The following CNTN1 variants were observed in gnomAD, a reference collection of about 807,000 sequenced individuals.
CNTN1 encodes contactin-1.
In CNTN1, 38 loss-of-function variants were observed where a neutral mutation model predicts 126.4. The ratio of observed to expected loss-of-function variants is 0.30; its 90% CI spans 0.23 to 0.39. The LOEUF (loss-of-function observed/expected upper bound fraction) is 0.39. Ranked by LOEUF, CNTN1 falls within the 10% of genes least tolerant of loss-of-function variation. The pLI is 1.00. For missense variants in CNTN1, 1,009 were observed against 1,248.4 expected (o/e 0.81, Z 2.89); for synonymous variants, 413 against 422.6 (o/e 0.98, Z 0.28).
chr12:40,815,714 C>T (rs180886230), intron 1 of CNTN1, among the ~76,000 whole-genome samples: 2 of 152,154 alleles, frequency 1.3e-5, no homozygotes, highest in African/African-American at 4.8e-5. Context: ...GAAAGGGCAT[C>T]CTTGTCTTGT....
chr12:40,807,237 T>C (rs910375418), intron 1 of CNTN1, among the ~76,000 whole-genome samples: 1 of 152,050 alleles, frequency 6.6e-6, no homozygotes, highest in Non-Finnish European at 1.5e-5. Flanking sequence ...ACTTCTGACA[T>C]ATACTTGCAA....
At chr12:40,949,418 A>ACC (rs538536696) in intron 14 of CNTN1, among the ~76,000 whole-genome samples, 12,434 of 82,980 alleles carry the variant, frequency 0.15, 725 homozygotes, top group Non-Finnish European at 0.16. Flanking sequence ...TGCTATCCCT[A>ACC]CCCCCCCTCC....
chr12:40,813,029 T>TTTCCTTTCTTA (rs1491453705), intron 1 of CNTN1, among the ~76,000 whole-genome samples: 1 of 113,414 alleles, frequency 8.8e-6, no homozygotes, highest in Non-Finnish European at 1.8e-5. Flanking sequence ...TCTTTCTTTC[T>TTTCCTTTCTTA]CTTTCTTTCC....
intron 1 of CNTN1, among the ~76,000 whole-genome samples, chr12:40,882,813 T>G (rs537972826): frequency 6.6e-6 from 1 of 151,732 alleles, no homozygotes; most frequent in African/African-American, 2.4e-5. Flanking sequence ...ATAAGTAAAA[T>G]AGTTTATAAT....
intron 1 of CNTN1, among the ~76,000 whole-genome samples, chr12:40,759,952 C>T (rs1045487298): frequency 6.6e-6 from 1 of 152,024 alleles, no homozygotes; most frequent in Admixed American, 6.6e-5. Flanking sequence ...CCTTACCCAG[C>T]TATGGCCACC....
intron 1 of CNTN1, among the ~76,000 whole-genome samples, chr12:40,700,237 A>T (rs1467805813): frequency 6.6e-6 from 1 of 151,832 alleles, no homozygotes; most frequent in Non-Finnish European, 1.5e-5. Flanking sequence ...TTATTAAAAT[A>T]TTTTTTTCAG....
intron 1 of CNTN1, among the ~76,000 whole-genome samples, chr12:40,707,032 G>A (rs190827275): frequency 7.9e-5 from 9 of 113,524 alleles, no homozygotes; most frequent in South Asian, 2.7e-4. Flanking sequence ...AAAGACGTGC[G>A]CGCGCGCGCT....
At chr12:40,789,142 T>G (rs1940136396) in intron 1 of CNTN1, among the ~76,000 whole-genome samples, 2 of 152,162 alleles carry the variant, frequency 1.3e-5, no homozygotes, top group East Asian at 1.9e-4. Context: ...CATATATAGA[T>G]AATAAAATCT....
chr12:40,882,932 G>C (rs1481450990), intron 1 of CNTN1, among the ~76,000 whole-genome samples: 1 of 151,310 alleles, frequency 6.6e-6, no homozygotes, highest in Non-Finnish European at 1.5e-5. Flanking sequence ...CTGTACATTT[G>C]ACTCATTTGA....
In CNTN1 at chr12:40,895,120, T is replaced by C. The variant is rs573294987; in HGVS notation, c.-76-13237T>C. Among the ~76,000 whole-genome samples the C allele has an allele frequency of 6.0e-4, 91 of 152,336 alleles. 1 individual carries two copies. In the South Asian group the frequency reaches 8.9e-3, roughly 15 times the overall value. On this transcript the variant is annotated intron_variant, in intron 1 of 23. Coordinates refer to ENST00000551295, the MANE Select transcript of CNTN1 (RefSeq NM_001843.4). ...AAAGTGTCAAATTGATGATCAGTTA[T>C]ATGGAAGCCTCTATTTATAATAGTA...
intron 1 of CNTN1, among the ~76,000 whole-genome samples, chr12:40,775,535 A>T (rs1592073723): frequency 6.6e-6 from 1 of 151,462 alleles, no homozygotes; most frequent in African/African-American, 2.4e-5. Flanking sequence ...GTATATTAGG[A>T]CTAGGCCACG....
chr12:40,739,762 T>G (rs1937858143), intron 1 of CNTN1, among the ~76,000 whole-genome samples: 2 of 152,034 alleles, frequency 1.3e-5, no homozygotes, highest in African/African-American at 4.8e-5. Flanking sequence ...GAAATACTAT[T>G]ATAAACATAT....
intron 2 of CNTN1, among the ~76,000 whole-genome samples, chr12:40,909,691 G>C (rs570133299): frequency 3.3e-4 from 50 of 151,200 alleles, no homozygotes; most frequent in African/African-American, 1.2e-3. Flanking sequence ...TTTATAACCA[G>C]GGTAATTATG....
chr12:40,963,221 C>A (rs1281355009), intron 15 of CNTN1, among the ~76,000 whole-genome samples: 1 of 151,962 alleles, frequency 6.6e-6, no homozygotes, highest in Non-Finnish European at 1.5e-5. Flanking sequence ...CCAGCCTGAG[C>A]AACATGGCAA....
At chr12:41,064,809 A>G (rs1422944728) in intron 23 of CNTN1, among the ~76,000 whole-genome samples, 4 of 150,988 alleles carry the variant, frequency 2.6e-5, no homozygotes, top group African/African-American at 4.9e-5. Flanking sequence ...AGATGCCATG[A>G]GACATATTAT....
At chr12:40,723,394 G>A (rs1237911159) in intron 1 of CNTN1, among the ~76,000 whole-genome samples, 8 of 152,220 alleles carry the variant, frequency 5.3e-5, no homozygotes, top group East Asian at 3.9e-4. Flanking sequence ...TTATTAACCC[G>A]AAAGCCTCCA....
At chr12:40,928,455 A>G (rs1194311442) in intron 6 of CNTN1, among the ~76,000 whole-genome samples, 1 of 152,066 alleles carries the variant, frequency 6.6e-6, no homozygotes, top group African/African-American at 2.4e-5. Context: ...ACAAATGAAA[A>G]GAATTCAATT....
chr12:40,737,390 T>A (rs905583656), intron 1 of CNTN1, among the ~76,000 whole-genome samples: 1 of 140,036 alleles, frequency 7.1e-6, no homozygotes, highest in Non-Finnish European at 1.5e-5. Flanking sequence ...TATGAGTTTA[T>A]TAAGTATTAA....
chr12:40,954,801 C>T (rs1480246001), intron 14 of CNTN1, among the ~76,000 whole-genome samples: 1 of 152,074 alleles, frequency 6.6e-6, no homozygotes, highest in African/African-American at 2.4e-5. Context: ...AAACACAGAG[C>T]TTCTATTATC....
Sources: allele counts gnomAD v4.1 joint callset (sites outside exome capture counted in the v4.1 genomes callset), GRCh38; gene constraint gnomAD v4.1.1; transcripts MANE v1.5; gene names NCBI Gene and HGNC (gene_info 2026-07-23, HGNC 2026-07-21).